FGF13: variants seen among roughly 807,000 people sequenced by gnomAD.
FGF13 encodes fibroblast growth factor 13, also known as fibroblast growth factor homologous factor 2.
A neutral mutation model predicts 19.5 loss-of-function variants in FGF13; 2 were observed. The observed-to-expected ratio is 0.10, with a 90% CI of 0.04 to 0.32. FGF13 has a LOEUF of 0.32. Ranked by LOEUF, FGF13 falls within the 10% of genes least tolerant of loss-of-function variation. The pLI is 1.00. For synonymous variants in FGF13, 72 were observed against 76.9 expected (o/e 0.94, Z 0.33); for missense variants, 113 against 192.7 (o/e 0.59, Z 2.45).
At chrX:139,081,726 C>G (rs1569451174) in intron 1 of FGF13, among the ~76,000 whole-genome samples, 23 of 108,418 alleles carry the variant, frequency 2.1e-4, no homozygotes, top group Non-Finnish European at 4.4e-4. Flanking sequence ...CTTAATTCCT[C>G]TCTCTCTCTC....
intron 1 of FGF13, among the ~76,000 whole-genome samples, chrX:139,174,627 A>T (rs950869564): frequency 7.2e-5 from 8 of 111,701 alleles, no homozygotes; most frequent in African/African-American, 2.3e-4. Context: ...TAGCCAGTTT[A>T]CCCAACACCA....
At chrX:138,746,824 G>C (rs1469868082) in intron 3 of FGF13, among the ~76,000 whole-genome samples, 1 of 112,357 alleles carries the variant, frequency 8.9e-6, no homozygotes, top group Non-Finnish European at 1.9e-5. Flanking sequence ...GTAAGCAGTG[G>C]GGTGGTTTCC....
chrX:138,854,944 C>T (rs753673752), downstream of FGF13, among the ~76,000 whole-genome samples: 4 of 109,477 alleles, frequency 3.7e-5, no homozygotes, highest in African/African-American at 6.7e-5. Flanking sequence ...AAATGTTTCA[C>T]GTAACAATAA....
chrX:138,932,311 T>C (rs2091706037), intron 1 of FGF13, among the ~76,000 whole-genome samples: 1 of 111,927 alleles, frequency 8.9e-6, no homozygotes, highest in South Asian at 3.7e-4. Context: ...CCGAGTGCAA[T>C]GGCTCACGCC....
chrX:139,066,865 C>G (rs763698149), intron 1 of FGF13, among the ~76,000 whole-genome samples: 1 of 110,787 alleles, frequency 9.0e-6, no homozygotes, highest in East Asian at 2.9e-4. Context: ...TGATGAACAT[C>G]CATGCGAAAA....
intron 1 of FGF13, among the ~76,000 whole-genome samples, chrX:139,041,395 T>G (rs1322487745): frequency 9.0e-6 from 1 of 111,061 alleles, no homozygotes; most frequent in South Asian, 3.8e-4. Flanking sequence ...GATAGCACTC[T>G]TGAGAGGATT....
chrX:138,811,569 A>T (rs1170303332), intron 3 of FGF13, among the ~76,000 whole-genome samples: 1 of 110,972 alleles, frequency 9.0e-6, no homozygotes, highest in Non-Finnish European at 1.9e-5. Flanking sequence ...CATTGTGCAC[A>T]TGTACCCTAG....
chrX:138,842,313 T>C (rs1375772357), intron 3 of FGF13, among the ~76,000 whole-genome samples: 2 of 111,601 alleles, frequency 1.8e-5, no homozygotes, highest in African/African-American at 3.3e-5. Context: ...ACTCATTCAA[T>C]GACAGTGGAA....
chrX:138,783,373 A>G (rs2090663215), intron 3 of FGF13, among the ~76,000 whole-genome samples: 1 of 105,257 alleles, frequency 9.5e-6, no homozygotes. Flanking sequence ...CAGAGTGAAC[A>G]GGCAACCTAC....
chrX:138,805,627 T>C (rs2090860756), intron 3 of FGF13, among the ~76,000 whole-genome samples: 1 of 112,017 alleles, frequency 8.9e-6, no homozygotes, highest in African/African-American at 3.2e-5. Context: ...AAAGGCCAGT[T>C]AAATTCTGTA....
chrX:139,016,433 G>A (rs2092153158), intron 1 of FGF13, among the ~76,000 whole-genome samples: 1 of 111,520 alleles, frequency 9.0e-6, no homozygotes, highest in Admixed American at 9.6e-5. Context: ...CTCCCAATCT[G>A]AAGTAAACAC....
At chrX:138,813,175 G>C (rs1361177556) in intron 3 of FGF13, among the ~76,000 whole-genome samples, 1 of 111,818 alleles carries the variant, frequency 8.9e-6, no homozygotes, top group Non-Finnish European at 1.9e-5. Context: ...ATATTCCTTT[G>C]AGTATATACC....
chrX:138,785,320 T>C lies in FGF13; in HGVS notation c.217+72192A>G, dbSNP rs183010024. Among the ~76,000 whole-genome samples the C allele has an allele frequency of 5.7e-3, 641 of 111,784 alleles. 3 individuals carry two copies. Among genetic ancestry groups the C allele is most frequent in the African/African-American group, 0.019 (595 of 30,773 alleles). The stretch of plus-strand genomic sequence containing the variant: ...TCAGCAGATAGGCATACCCTATTTA[T>C]CAAATATCTTAACTCACCTCTGCAT... On this transcript the variant is annotated intron_variant, in intron 3 of 6. Coordinates refer to the FGF13 transcript ENST00000436198.
chrX:138,917,077 C>CA (rs1177332929), intron 1 of FGF13, among the ~76,000 whole-genome samples: 46 of 110,123 alleles, frequency 4.2e-4, no homozygotes, highest in Admixed American at 2.6e-3. Flanking sequence ...ATTAATTATG[C>CA]AAAAAAAATG....
At chrX:139,107,289 G>A (rs1160928234) in intron 1 of FGF13, among the ~76,000 whole-genome samples, 1 of 111,930 alleles carries the variant, frequency 8.9e-6, no homozygotes, top group African/African-American at 3.2e-5. Flanking sequence ...GCTCCTTTAA[G>A]ATGGCTTTCC....
chrX:139,204,884 G>C (rs2084454375), upstream of FGF13: 1 of 111,039 alleles, frequency 9.0e-6, no homozygotes, highest in African/African-American at 3.3e-5. Flanking sequence ...GGCCGGAGTT[G>C]CTCGCCGGCG....
chrX:139,065,804 G>A (rs1386814341), intron 1 of FGF13, among the ~76,000 whole-genome samples: 4 of 111,302 alleles, frequency 3.6e-5, no homozygotes, highest in Non-Finnish European at 7.5e-5. Context: ...CTTGAATTCA[G>A]CTCTGAACCA....
intron 1 of FGF13, among the ~76,000 whole-genome samples, chrX:138,736,163 T>C (rs2090273220): frequency 8.9e-6 from 1 of 111,896 alleles, no homozygotes; most frequent in Admixed American, 9.5e-5. Flanking sequence ...TCACTTCCTT[T>C]TGAATACTCT....
Position 138,918,542 on chromosome X carries a change from T to C in FGF13, c.-112-53892A>G, listed in dbSNP as rs776847130. 3.6e-5 allele frequency among the ~76,000 whole-genome samples: 4 copies of C among 111,657 alleles called. No homozygotes were observed. The South Asian group carries it at 1.5e-3, about 42-fold the overall frequency. ...TAGGTCTGCTTATTTTGAATGCATCTCTTTCATCCCCACATTTGATAAAGG... is the reference window on the plus strand; with the variant it reads ...TAGGTCTGCTTATTTTGAATGCATCCCTTTCATCCCCACATTTGATAAAGG... On this transcript the variant is annotated intron_variant, in intron 1 of 2. Transcript: ENST00000421460.
Sources: allele counts gnomAD v4.1 joint callset (sites outside exome capture counted in the v4.1 genomes callset), GRCh38; gene constraint gnomAD v4.1.1; transcripts MANE v1.5; gene names NCBI Gene and HGNC (gene_info 2026-07-23, HGNC 2026-07-21).